Variants in L3MBTL4 observed in about 807,000 individuals in gnomAD.
L3MBTL4 encodes lethal(3)malignant brain tumor-like protein 4.
A neutral mutation model predicts 84.5 loss-of-function variants in L3MBTL4; 70 were observed. The observed-to-expected ratio is 0.83, with a 90% CI of 0.68 to 1.01. The LOEUF (loss-of-function observed/expected upper bound fraction) is 1.01, where lower values mean the gene tolerates loss of function less well. L3MBTL4 is among the 50% of genes least tolerant of loss of function. L3MBTL4 has a pLI of 0.00. For missense variants in L3MBTL4, 715 were observed against 754.8 expected (o/e 0.95, Z 0.62); for synonymous variants, 274 against 259.8 (o/e 1.05, Z -0.52).
intron 18 of L3MBTL4, among the ~76,000 whole-genome samples, chr18:5,959,496 A>G (rs1166679969): frequency 1.3e-5 from 2 of 152,222 alleles, no homozygotes; most frequent in Admixed American, 1.3e-4. Context: ...TACTAATTCC[A>G]GGAAATATGC....
chr18:6,049,036 AG>A (rs2056745514), intron 16 of L3MBTL4, among the ~76,000 whole-genome samples: 2 of 152,288 alleles, frequency 1.3e-5, no homozygotes, highest in South Asian at 4.1e-4. Flanking sequence ...ATGTAATTCC[AG>A]CACTCAGGGA....
intron 15 of L3MBTL4, among the ~76,000 whole-genome samples, chr18:6,089,017 C>T (rs1001037435): frequency 2.6e-5 from 4 of 151,934 alleles, no homozygotes; most frequent in Admixed American, 2.6e-4. Context: ...GGTATTTTAA[C>T]GAATGGTGGT....
At chr18:6,108,867 G>A (rs552882171) in intron 14 of L3MBTL4, among the ~76,000 whole-genome samples, 1 of 152,250 alleles carries the variant, frequency 6.6e-6, no homozygotes, top group Admixed American at 6.5e-5. Context: ...CTTTATAGTA[G>A]GTATTACAAG....
intron 15 of L3MBTL4, among the ~76,000 whole-genome samples, chr18:6,087,439 T>C (rs2058294078): frequency 6.6e-6 from 1 of 152,180 alleles, no homozygotes; most frequent in Admixed American, 6.5e-5. Flanking sequence ...TCTTGAGTCC[T>C]TTCCCTCCGT....
At position 6,055,256 on chromosome 18, in the gene L3MBTL4, C is replaced by A. The variant is rs370158656; in HGVS notation, c.1444+25625G>T. On this transcript the variant is annotated intron_variant, in intron 16 of 18. Coordinates refer to ENST00000317931, the MANE Select transcript of L3MBTL4 (RefSeq NM_001330559.2). Reference sequence around the variant, plus strand: ...CAATGAAGCCCCCCAAAGAAAATTTCTGACATTTTGGACATTCATTCTCTG... The same window carrying A: ...CAATGAAGCCCCCCAAAGAAAATTTATGACATTTTGGACATTCATTCTCTG... Among the ~76,000 whole-genome samples, 5 of 152,194 alleles carry A rather than the reference C, an allele frequency of 3.3e-5. No individual in the cohort carries two copies. In the East Asian group the frequency reaches 7.7e-4, roughly 23 times the overall value.
At chr18:6,247,380 C>T (rs891415624) in intron 5 of L3MBTL4, among the ~76,000 whole-genome samples, 5 of 150,904 alleles carry the variant, frequency 3.3e-5, no homozygotes, top group Admixed American at 1.3e-4. Flanking sequence ...CTTCAGTCTT[C>T]CTTAATCAGA....
intron 16 of L3MBTL4, among the ~76,000 whole-genome samples, chr18:6,063,607 G>A (rs773191615): frequency 2.0e-5 from 3 of 151,794 alleles, no homozygotes; most frequent in Non-Finnish European, 2.9e-5. Flanking sequence ...GATGATTAGT[G>A]ATATTGAGCA....
At chr18:6,091,138 C>T (rs1389878150) in intron 15 of L3MBTL4, among the ~76,000 whole-genome samples, 1 of 152,150 alleles carries the variant, frequency 6.6e-6, no homozygotes, top group African/African-American at 2.4e-5. Context: ...AGCCTCGGGA[C>T]AGTACTACAA....
chr18:5,958,130 AAAGAAG>A (rs1195431903), intron 18 of L3MBTL4, among the ~76,000 whole-genome samples: 11 of 31,812 alleles, frequency 3.5e-4, no homozygotes, highest in Non-Finnish European at 7.8e-4. Flanking sequence ...AGAAGAAGAA[AAAGAAG>A]AAGAAGAAGA....
At chr18:6,303,372 C>T (rs773134005) in intron 3 of L3MBTL4, among the ~76,000 whole-genome samples, 60 of 152,220 alleles carry the variant, frequency 3.9e-4, no homozygotes, top group East Asian at 9.7e-4. Flanking sequence ...CTGCCCACCT[C>T]GGCCTCCCAA....
chr18:6,308,399 G>A (rs1055184024), intron 3 of L3MBTL4, among the ~76,000 whole-genome samples: 1 of 152,162 alleles, frequency 6.6e-6, no homozygotes, highest in African/African-American at 2.4e-5. Context: ...AAATTTACGA[G>A]CATATCCTTT....
At chr18:6,247,969 C>T (rs2047753646) in intron 5 of L3MBTL4, among the ~76,000 whole-genome samples, 1 of 152,104 alleles carries the variant, frequency 6.6e-6, no homozygotes, top group South Asian at 2.1e-4. Context: ...ATCATTCAAT[C>T]ACAGTGTTGT....
intron 3 of L3MBTL4, 80 bp from the exon 4 acceptor site, chr18:6,302,037 G>C: frequency 8.6e-7 from 1 of 1,167,438 alleles, no homozygotes; most frequent in South Asian, 1.2e-5. Flanking sequence ...CCTTTTTGCA[G>C]GAAGGAAAGT....
chr18:6,011,189 G>C (rs950202994), intron 16 of L3MBTL4, among the ~76,000 whole-genome samples: 5 of 152,152 alleles, frequency 3.3e-5, no homozygotes, highest in Admixed American at 6.5e-5. Context: ...TTCTAAAGAA[G>C]ACTTAATTAC....
At chr18:6,410,574 G>C (rs2055924422) in intron 1 of L3MBTL4, among the ~76,000 whole-genome samples, 1 of 152,102 alleles carries the variant, frequency 6.6e-6, no homozygotes, top group Admixed American at 6.5e-5. Context: ...CATCTTAAAA[G>C]CTATCAGAAT....
chr18:6,048,622 C>G (rs774765358), intron 16 of L3MBTL4, among the ~76,000 whole-genome samples: 3 of 151,978 alleles, frequency 2.0e-5, no homozygotes, highest in Non-Finnish European at 4.4e-5. Context: ...CATGATGAAA[C>G]CCCGTCTCTA....
intron 1 of L3MBTL4, among the ~76,000 whole-genome samples, chr18:6,377,846 G>A (rs953500138): frequency 2.6e-5 from 4 of 152,160 alleles, no homozygotes; most frequent in African/African-American, 4.8e-5. Flanking sequence ...CCAGTAATGG[G>A]ATGGCTAGGT....
At chr18:6,249,768 A>G (rs1315496601) in intron 5 of L3MBTL4, among the ~76,000 whole-genome samples, 1 of 152,212 alleles carries the variant, frequency 6.6e-6, no homozygotes, top group Non-Finnish European at 1.5e-5. Context: ...ATTTTATGGT[A>G]AGAAAAGATA....
At chr18:6,060,031 T>C (rs2057154152) in intron 16 of L3MBTL4, among the ~76,000 whole-genome samples, 1 of 152,258 alleles carries the variant, frequency 6.6e-6, no homozygotes, top group South Asian at 2.1e-4. Flanking sequence ...GAGAGTATTA[T>C]CAATAACAGA....
Sources: allele counts gnomAD v4.1 joint callset (sites outside exome capture counted in the v4.1 genomes callset), GRCh38; gene constraint gnomAD v4.1.1; transcripts MANE v1.5; gene names NCBI Gene and HGNC (gene_info 2026-07-23, HGNC 2026-07-21).